LPIN2: variants seen among roughly 807,000 people sequenced by gnomAD.
LPIN2 encodes lipin 2, also known as phosphatidate phosphatase LPIN2.
In LPIN2, 55 loss-of-function variants were observed where a neutral mutation model predicts 111.4. That is an observed-to-expected ratio of 0.49 (90% CI 0.40 to 0.62). The LOEUF is 0.62. Among genes scored for constraint, LPIN2 ranks in the 20% least tolerant of loss-of-function variants. The pLI is 0.00. For synonymous variants in LPIN2, 425 were observed against 414.0 expected (o/e 1.03, Z -0.32); for missense variants, 992 against 1,112.1 (o/e 0.89, Z 1.54).
At chr18:2,998,250 T>G (rs1420168641) in intron 1 of LPIN2, among the ~76,000 whole-genome samples, 1 of 152,244 alleles carries the variant, frequency 6.6e-6, no homozygotes, top group Non-Finnish European at 1.5e-5. Context: ...TTAGGCTATT[T>G]TTAAGTAGTT....
chr18:2,996,264 C>T (rs569547571), intron 1 of LPIN2, among the ~76,000 whole-genome samples: 2 of 151,654 alleles, frequency 1.3e-5, no homozygotes, highest in East Asian at 2.0e-4. Flanking sequence ...AGCTTGAACC[C>T]GGGAGTGGGA....
Position 2,927,882 on chromosome 18 carries a change from T to C in LPIN2, c.1621-71A>G, listed in dbSNP as rs1003365998. 4.8e-6 allele frequency: 6 copies of C among 1,240,574 alleles called. No individual in the cohort carries two copies. In the Admixed American group the frequency reaches 5.0e-5, roughly 10 times the overall value. The allele number at this position is 1,240,574 out of a possible 1,614,324, so 76.8% of individuals were successfully genotyped here. A position where few individuals can be genotyped will look rare whatever the true frequency, so the allele number is the denominator to read the frequency against. ...ACAGCACCTACCTTCTATGCTAGCCTGAAGGACGGGGCCTTACTATGGAAT... is the reference window on the plus strand; with the variant it reads ...ACAGCACCTACCTTCTATGCTAGCCCGAAGGACGGGGCCTTACTATGGAAT... On this transcript the variant is annotated intron_variant, in intron 11 of 19. Transcript: ENST00000677752.
At chr18:2,929,228 C>T (rs1237834518) in intron 9 of LPIN2, 70 bp from the exon 10 acceptor site, 9 of 984,654 alleles carry the variant, frequency 9.1e-6, no homozygotes, top group Admixed American at 5.5e-5. Context: ...ATAATACTCT[C>T]TGCATTGCAG....
rs2078511794 is a variant in LPIN2 at position 3,006,127 on chromosome 18, C to T, written c.-10+6960G>A. ...GTTGTGACTTAAGAGAGATACTTTA[C>T]GTAAAAAACTTAGCAAAATGCCTAA... On this transcript the variant is annotated intron_variant, in intron 1 of 19. Transcript: ENST00000677752. 3.3e-5 allele frequency among the ~76,000 whole-genome samples: 5 copies of T among 152,058 alleles called. No individual in the cohort carries two copies. The South Asian group carries it at 6.2e-4, about 19-fold the overall frequency.
At chr18:2,945,840 T>C in intron 4 of LPIN2, 3 of 1,468,870 alleles carry the variant, frequency 2.0e-6, no homozygotes, top group South Asian at 2.3e-5. Context: ...TCCAGTCTGA[T>C]GCCAGTCATG....
At chr18:2,957,312 A>G (rs1231580054) in intron 2 of LPIN2, among the ~76,000 whole-genome samples, 5 of 152,216 alleles carry the variant, frequency 3.3e-5, no homozygotes, top group African/African-American at 1.2e-4. Flanking sequence ...ATGCTCAAAA[A>G]TCTGAAACTT....
At chr18:2,973,614 G>A (rs554964774) in intron 1 of LPIN2, among the ~76,000 whole-genome samples, 5 of 152,216 alleles carry the variant, frequency 3.3e-5, no homozygotes, top group East Asian at 1.9e-4. Flanking sequence ...TCCAGGTTTC[G>A]GCAATTACAA....
intron 1 of LPIN2, among the ~76,000 whole-genome samples, chr18:2,974,991 C>A (rs1453135566): frequency 6.6e-6 from 1 of 152,106 alleles, no homozygotes; most frequent in Non-Finnish European, 1.5e-5. Context: ...AGAGCAAGAT[C>A]CTGACTCAAA....
At chr18:2,936,940 G>C (rs1363506644) in intron 7 of LPIN2, among the ~76,000 whole-genome samples, 1 of 152,098 alleles carries the variant, frequency 6.6e-6, no homozygotes, top group Non-Finnish European at 1.5e-5. Flanking sequence ...ATCATAATTA[G>C]TATGCATTGA....
At chr18:2,958,348 AAATT>A (rs1413954673) in intron 2 of LPIN2, among the ~76,000 whole-genome samples, 3 of 151,972 alleles carry the variant, frequency 2.0e-5, no homozygotes, top group African/African-American at 7.2e-5. Context: ...GGCAGTGGGA[AAATT>A]ATTATACTAC....
chr18:2,933,110 T>C (rs1212262116), intron 8 of LPIN2, among the ~76,000 whole-genome samples: 2 of 152,236 alleles, frequency 1.3e-5, no homozygotes, highest in Non-Finnish European at 2.9e-5. Context: ...ATGAAGATGC[T>C]AAGGATCATG....
chr18:2,994,499 A>G (rs1366880103), intron 1 of LPIN2, among the ~76,000 whole-genome samples: 1 of 152,238 alleles, frequency 6.6e-6, no homozygotes, highest in Admixed American at 6.5e-5. Context: ...TTTTAATGAT[A>G]TATCATAGTT....
At chr18:3,008,558 T>C (rs1179395870) in intron 1 of LPIN2, among the ~76,000 whole-genome samples, 3 of 152,256 alleles carry the variant, frequency 2.0e-5, no homozygotes, top group Admixed American at 2.0e-4. Context: ...TTGTACCATA[T>C]ATTTTTTGCG....
chr18:3,008,773 C>T (rs1467114132), intron 1 of LPIN2, among the ~76,000 whole-genome samples: 3 of 152,008 alleles, frequency 2.0e-5, no homozygotes, highest in Non-Finnish European at 4.4e-5. Context: ...CCAGCAGTGG[C>T]GTGAACATGG....
chr18:2,945,919 T>C, intron 4 of LPIN2: 1 of 1,422,260 alleles, frequency 7.0e-7, no homozygotes. Flanking sequence ...ACAGCCCTCT[T>C]GGTCTAAGAA....
chr18:2,977,653 A>C (rs2078042816), intron 1 of LPIN2, among the ~76,000 whole-genome samples: 1 of 152,252 alleles, frequency 6.6e-6, no homozygotes, highest in Non-Finnish European at 1.5e-5. Flanking sequence ...GTATACTCCC[A>C]AGAGCTAAAC....
Position 2,921,652 on chromosome 18 carries a change from G to T in LPIN2, c.2328-5C>A. ...GGTTTCTTTTCTATCACTTCTCTAA[G>T]AAAAAAATACAAATACAATCACCAA... On this transcript the variant is annotated splice_region_variant and splice_polypyrimidine_tract_variant and intron_variant, in intron 17 of 19. Transcript: ENST00000677752. The T allele has an allele frequency of 6.4e-7, 1 of 1,569,292 alleles. No homozygotes were observed. Among genetic ancestry groups the T allele is most frequent in the Non-Finnish European group, 8.8e-7 (1 of 1,139,200 alleles).
At chr18:2,937,663 A>C (rs780600707) in intron 7 of LPIN2, 29 bp downstream of exon 7, 1 of 1,576,320 alleles carries the variant, frequency 6.3e-7, no homozygotes, top group South Asian at 1.1e-5. Flanking sequence ...ATTTGAGAGT[A>C]CCTGGAGCCA....
At chr18:2,971,747 G>GAAAA (rs11369729) in intron 1 of LPIN2, among the ~76,000 whole-genome samples, 2 of 139,268 alleles carry the variant, frequency 1.4e-5, no homozygotes. Flanking sequence ...CCATGCACTG[G>GAAAA]AAAAAAAAAA....
Sources: allele counts gnomAD v4.1 joint callset (sites outside exome capture counted in the v4.1 genomes callset), GRCh38; gene constraint gnomAD v4.1.1; transcripts MANE v1.5; gene names NCBI Gene and HGNC (gene_info 2026-07-23, HGNC 2026-07-21).